The following PANX1 variants were observed in gnomAD, a reference collection of about 807,000 sequenced individuals.
The protein encoded by PANX1 is pannexin-1.
In PANX1, 30 loss-of-function variants were observed where a neutral mutation model predicts 38.7. That is an observed-to-expected ratio of 0.78 (90% CI 0.58 to 1.05). PANX1 has a LOEUF of 1.05. Among genes scored for constraint, PANX1 ranks in the 50% least tolerant of loss-of-function variants. The pLI is 0.00. For synonymous variants in PANX1, 230 were observed against 212.2 expected (o/e 1.08, Z -0.73); for missense variants, 551 against 517.2 (o/e 1.07, Z -0.63).
chr11:94,181,817 GA>G lies in PANX1; in HGVS notation c.*953del, dbSNP rs1365730176. 1 of 152,188 alleles carries G rather than the reference GA, an allele frequency of 6.6e-6. No homozygotes were observed. Among genetic ancestry groups the G allele is most frequent in the Non-Finnish European group, 1.5e-5 (1 of 68,038 alleles). The allele number at this position is 152,188 out of a possible 1,614,324, so 9.4% of individuals were successfully genotyped here. A position where few individuals can be genotyped will look rare whatever the true frequency, so the allele number is the denominator to read the frequency against. On this transcript the variant is annotated 3_prime_UTR_variant, in exon 5 of 5. Transcript: ENST00000227638. ...GCTTCATATGGCGTGCTTGGAGCCA[GA>G]AAAACTTAGCGGTTTATTTTGTTTA...
chr11:94,136,010 A>G (rs1946684443), intron 1 of PANX1, among the ~76,000 whole-genome samples: 1 of 152,184 alleles, frequency 6.6e-6, no homozygotes, highest in Admixed American at 6.5e-5. Flanking sequence ...AATGATGGAC[A>G]TTTACTTTCT....
rs532359259 is a variant in PANX1 at position 94,134,056 on chromosome 11, A to G, written c.181+4563A>G. 5.9e-5 allele frequency among the ~76,000 whole-genome samples: 9 copies of G among 152,332 alleles called. No homozygotes were observed. In the South Asian group the frequency reaches 1.7e-3, roughly 28 times the overall value. ...ATAGCAGTAAAGGATGCACATCGTC[A>G]TGATAGGTAAGTTGTCCCACTTGAT... On this transcript the variant is annotated intron_variant, in intron 1 of 4. Transcript: ENST00000227638.
chr11:94,137,665 G>C lies in PANX1; in HGVS notation c.181+8172G>C, dbSNP rs190830435. On this transcript the variant is annotated intron_variant, in intron 1 of 4. Coordinates refer to ENST00000227638, the MANE Select transcript of PANX1 (RefSeq NM_015368.4). ...TGGTACCAGGCACACCTAGTTCTGT[G>C]GGGGGTGAAAGGGGTGGTGGGGAGG... Among the ~76,000 whole-genome samples the C allele has an allele frequency of 7.3e-5, 11 of 149,984 alleles. No individual in the cohort carries two copies. The East Asian group carries it at 2.2e-3, about 30-fold the overall frequency.
At chr11:94,145,204 G>C (rs1171196309) in intron 1 of PANX1, among the ~76,000 whole-genome samples, 1 of 152,114 alleles carries the variant, frequency 6.6e-6, no homozygotes, top group Non-Finnish European at 1.5e-5. Flanking sequence ...TTGACCATGT[G>C]TTCCATCTTA....
At chr11:94,136,425 T>C (rs1378701897) in intron 1 of PANX1, among the ~76,000 whole-genome samples, 2 of 152,256 alleles carry the variant, frequency 1.3e-5, no homozygotes, top group African/African-American at 4.8e-5. Context: ...GGTAATTACT[T>C]GCATACTTAT....
chr11:94,167,940 G>A (rs970334740), intron 2 of PANX1, among the ~76,000 whole-genome samples: 2 of 152,228 alleles, frequency 1.3e-5, no homozygotes, highest in Admixed American at 6.5e-5. Flanking sequence ...AAATGCTGCT[G>A]CAGAGAAGCC....
chr11:94,145,871 A>G (rs1417575478), intron 1 of PANX1, among the ~76,000 whole-genome samples: 1 of 152,246 alleles, frequency 6.6e-6, no homozygotes, highest in African/African-American at 2.4e-5. Context: ...AAGATGAAGA[A>G]GAACCCAGTG....
intron 2 of PANX1, among the ~76,000 whole-genome samples, chr11:94,158,304 T>TG (rs1450012177): frequency 2.0e-5 from 3 of 152,138 alleles, no homozygotes; most frequent in Non-Finnish European, 4.4e-5. Flanking sequence ...GGTAGCTTGA[T>TG]GGGGATGGCA....
chr11:94,136,985 TGGCAGG>T (rs1946700738), intron 1 of PANX1, among the ~76,000 whole-genome samples: 1 of 151,874 alleles, frequency 6.6e-6, no homozygotes, highest in South Asian at 2.1e-4. Flanking sequence ...ACGTCTTATA[TGGCAGG>T]AGCAGGAGCA....
chr11:94,179,926 G>A lies in PANX1; in HGVS notation c.870G>A (p.Val290=). The A allele has an allele frequency of 6.2e-7, 1 of 1,610,684 alleles. No homozygotes were observed. The highest frequency in any genetic ancestry group is 2.2e-5 in the East Asian group (1 of 44,818). Residue 290 remains valine, a synonymous_variant, in exon 4 of 5, where the codon GTG becomes GTA. Coordinates refer to ENST00000227638, the MANE Select transcript of PANX1 (RefSeq NM_015368.4). The part of the protein sequence containing the change: ...NLVVYVLLAP[V]VVYTLFVPFR... ...TGGTTTATGTCCTGCTGGCTCCCGT[G>A]GTTGTCTACACGCTGTTTGTTCCAT...
At chr11:94,180,296 G>A (rs761534879) in intron 4 of PANX1, 39 bp downstream of exon 4, 44 of 1,484,680 alleles carry the variant, frequency 3.0e-5, no homozygotes, top group Non-Finnish European at 2.6e-5. Flanking sequence ...GGAGTCTACC[G>A]AGAGCCTTTG....
intron 2 of PANX1, among the ~76,000 whole-genome samples, chr11:94,158,109 G>A (rs2134500207): frequency 6.6e-6 from 1 of 152,306 alleles, no homozygotes; most frequent in Admixed American, 6.5e-5. Flanking sequence ...CTATATCTCT[G>A]TTTTGGTAGC....
At chr11:94,137,102 G>A (rs1340405813) in intron 1 of PANX1, among the ~76,000 whole-genome samples, 1 of 152,060 alleles carries the variant, frequency 6.6e-6, no homozygotes, top group Non-Finnish European at 1.5e-5. Flanking sequence ...TCAAGAGATC[G>A]AGACCATCCT....
intron 1 of PANX1, among the ~76,000 whole-genome samples, chr11:94,134,596 A>G (rs1565371532): frequency 6.6e-6 from 1 of 151,980 alleles, no homozygotes; most frequent in Non-Finnish European, 1.5e-5. Flanking sequence ...GACCTTCATG[A>G]TGGGATGCCC....
intron 1 of PANX1, among the ~76,000 whole-genome samples, chr11:94,147,827 G>A (rs1466513885): frequency 6.6e-6 from 1 of 152,152 alleles, no homozygotes; most frequent in African/African-American, 2.4e-5. Flanking sequence ...TGTCTGATCT[G>A]TTGGACTCAC....
chr11:94,162,883 T>TTTTTTG (rs1283737050), intron 2 of PANX1, among the ~76,000 whole-genome samples: 2 of 148,482 alleles, frequency 1.3e-5, no homozygotes, highest in Non-Finnish European at 3.0e-5. Context: ...TTTTTTTTTT[T>TTTTTTG]TTTTTTGAGA....
Position 94,180,505 on chromosome 11 carries a change from T to C in PANX1, c.1201+248T>C, listed in dbSNP as rs574204084. 1.9e-3 allele frequency among the ~76,000 whole-genome samples: 288 copies of C among 152,246 alleles called. 2 individuals are homozygous for C. Among genetic ancestry groups the C allele is most frequent in the African/African-American group, 6.7e-3 (276 of 41,502 alleles). On this transcript the variant is annotated intron_variant, in intron 4 of 4. Coordinates refer to ENST00000227638, the MANE Select transcript of PANX1 (RefSeq NM_015368.4). ...CTGTGCTTTTTCTGGTTTTTCCCTC[T>C]TCTCTGTCTGTCTCACACTCTCTCT...
intron 2 of PANX1, 107 bp from the exon 3 acceptor site, chr11:94,178,262 C>T (rs1947257811): frequency 7.2e-6 from 6 of 834,644 alleles, no homozygotes; most frequent in Non-Finnish European, 1.2e-5. Flanking sequence ...CCAATTTCCA[C>T]AATACACATT....
At chr11:94,179,383 T>A (rs905658364) in intron 3 of PANX1, among the ~76,000 whole-genome samples, 2 of 152,242 alleles carry the variant, frequency 1.3e-5, no homozygotes, top group African/African-American at 4.8e-5. Context: ...ACTCATTTAA[T>A]TAACTAGGCC....
Sources: gnomAD v4.1 joint callset for allele counts (sites outside exome capture counted in the v4.1 genomes callset) on GRCh38, gnomAD v4.1.1 for gene constraint, MANE v1.5 for transcripts, NCBI Gene and HGNC (gene_info 2026-07-23, HGNC 2026-07-21) for gene names.